MECOM: variants seen among roughly 807,000 people sequenced by gnomAD.
MECOM encodes the protein MDS1 and EVI1 complex locus.
Under a neutral mutation model 116.3 loss-of-function variants are expected in MECOM, and 13 were observed. The observed-to-expected ratio is 0.11, with a 90% CI of 0.07 to 0.18. MECOM has a LOEUF of 0.18. Among genes scored for constraint, MECOM ranks in the 10% least tolerant of loss-of-function variants. MECOM has a pLI of 1.00. For synonymous variants in MECOM, 528 were observed against 535.2 expected (o/e 0.99, Z 0.19); for missense variants, 1,299 against 1,509.0 (o/e 0.86, Z 2.31).
chr3:169,111,828 C>T (rs1416048496), intron 9 of MECOM, among the ~76,000 whole-genome samples: 3 of 151,868 alleles, frequency 2.0e-5, no homozygotes, highest in South Asian at 2.1e-4. Flanking sequence ...AAAAAAGAAC[C>T]ATATCCCATG....
intron 2 of MECOM, among the ~76,000 whole-genome samples, chr3:169,293,803 T>C (rs536033672): frequency 3.3e-5 from 5 of 152,220 alleles, no homozygotes; most frequent in Non-Finnish European, 7.3e-5. Context: ...TTATATTTAT[T>C]GAATCAATGA....
At chr3:169,208,480 A>G (rs747256821) in intron 2 of MECOM, among the ~76,000 whole-genome samples, 2 of 151,976 alleles carry the variant, frequency 1.3e-5, no homozygotes, top group Admixed American at 6.6e-5. Context: ...TAAAGGAAAG[A>G]CACAGTGGGA....
intron 1 of MECOM, among the ~76,000 whole-genome samples, chr3:169,568,047 C>T (rs553291283): frequency 2.1e-4 from 32 of 152,248 alleles, no homozygotes; most frequent in African/African-American, 7.2e-4. Flanking sequence ...ACTCGTTGGA[C>T]AGTGGGTGCA....
chr3:169,439,757 TC>T (rs1194705301), intron 1 of MECOM, among the ~76,000 whole-genome samples: 2 of 152,174 alleles, frequency 1.3e-5, no homozygotes, highest in African/African-American at 4.8e-5. Flanking sequence ...TTGAGGCTGT[TC>T]TTGTCCACAT....
intron 16 of MECOM, among the ~76,000 whole-genome samples, chr3:169,087,045 C>T (rs987314332): frequency 5.3e-5 from 8 of 152,102 alleles, no homozygotes; most frequent in Admixed American, 3.9e-4. Context: ...ATCTATATAA[C>T]ATGATCAAGT....
intron 2 of MECOM, among the ~76,000 whole-genome samples, chr3:169,310,493 A>G (rs1269717546): frequency 6.6e-6 from 1 of 152,242 alleles, no homozygotes; most frequent in African/African-American, 2.4e-5. Flanking sequence ...GGAAAGTCCC[A>G]TTAATTCTGG....
intron 2 of MECOM, among the ~76,000 whole-genome samples, chr3:169,172,917 C>T (rs1283310356): frequency 6.6e-6 from 1 of 152,088 alleles, no homozygotes; most frequent in Non-Finnish European, 1.5e-5. Context: ...TCAAATGACA[C>T]TGGAAATGAG....
intron 2 of MECOM, among the ~76,000 whole-genome samples, chr3:169,168,844 C>T (rs899585172): frequency 4.6e-4 from 69 of 151,352 alleles, no homozygotes; most frequent in African/African-American, 1.7e-3. Context: ...TAAAGAAAAA[C>T]TCAAAGAAAA....
At chr3:169,335,884 T>C (rs1346245336) in intron 2 of MECOM, among the ~76,000 whole-genome samples, 5 of 152,118 alleles carry the variant, frequency 3.3e-5, no homozygotes, top group African/African-American at 1.2e-4. Context: ...AAACTATGAT[T>C]TCATATTATC....
At chr3:169,359,539 A>T (rs181766132) in intron 2 of MECOM, among the ~76,000 whole-genome samples, 161 of 151,822 alleles carry the variant, frequency 1.1e-3, no homozygotes, top group African/African-American at 3.6e-3. Flanking sequence ...TATAATTTGA[A>T]TCCTAACAAC....
At chr3:169,452,131 A>G (rs895675479) in intron 1 of MECOM, among the ~76,000 whole-genome samples, 5 of 151,986 alleles carry the variant, frequency 3.3e-5, no homozygotes, top group African/African-American at 1.2e-4. Context: ...ACATCAATCA[A>G]TATTCTCAGA....
At chr3:169,644,394 T>A (rs982571111) in intron 1 of MECOM, among the ~76,000 whole-genome samples, 2 of 152,028 alleles carry the variant, frequency 1.3e-5, no homozygotes, top group Admixed American at 1.3e-4. Context: ...GTAGCTGGAA[T>A]TACAGGCACA....
At chr3:169,629,339 A>T (rs1458070315) in intron 1 of MECOM, among the ~76,000 whole-genome samples, 1 of 152,042 alleles carries the variant, frequency 6.6e-6, no homozygotes, top group African/African-American at 2.4e-5. Flanking sequence ...AAGTTTTATG[A>T]TGGACTTTTT....
At chr3:169,575,422 G>A (rs1270300199) in intron 1 of MECOM, among the ~76,000 whole-genome samples, 1 of 152,170 alleles carries the variant, frequency 6.6e-6, no homozygotes, top group East Asian at 1.9e-4. Context: ...TCCGAAGACT[G>A]GCAGAGAATG....
chr3:169,398,955 T>C (rs1288116750), intron 1 of MECOM, among the ~76,000 whole-genome samples: 1 of 152,180 alleles, frequency 6.6e-6, no homozygotes, highest in African/African-American at 2.4e-5. Context: ...TGTCATCTCA[T>C]CTGTTAAGGG....
chr3:169,610,984 T>G (rs1769192766), intron 1 of MECOM, among the ~76,000 whole-genome samples: 1 of 152,208 alleles, frequency 6.6e-6, no homozygotes, highest in African/African-American at 2.4e-5. Context: ...AGTTTACTGG[T>G]CTTAAGAGGA....
At chr3:169,126,620 C>T (rs1732961512) in intron 5 of MECOM, among the ~76,000 whole-genome samples, 1 of 152,072 alleles carries the variant, frequency 6.6e-6, no homozygotes, top group Non-Finnish European at 1.5e-5. Context: ...AAAATGTTTA[C>T]TCTCTAATAG....
At position 169,296,485 on chromosome 3, in the gene MECOM, T is replaced by C. The variant is rs143464786; in HGVS notation, c.375+84702A>G. 2.5e-4 allele frequency among the ~76,000 whole-genome samples: 38 copies of C among 152,290 alleles called. No homozygotes were observed. The East Asian group carries it at 6.6e-3, about 26-fold the overall frequency. ...TGTATTGTGGATTTGCCAGCAAGAT[T>C]ACATCCACACAAGTTCTTTGTAGAC... On this transcript the variant is annotated intron_variant, in intron 2 of 16. Transcript: ENST00000651503.
At chr3:169,373,722 A>T (rs1420921142) in intron 2 of MECOM, among the ~76,000 whole-genome samples, 1 of 151,962 alleles carries the variant, frequency 6.6e-6, no homozygotes, top group East Asian at 1.9e-4. Flanking sequence ...GGGACCATTC[A>T]ATTGGAGTAG....
Sources: gnomAD v4.1 joint callset for allele counts (sites outside exome capture counted in the v4.1 genomes callset) on GRCh38, gnomAD v4.1.1 for gene constraint, MANE v1.5 for transcripts, NCBI Gene and HGNC (gene_info 2026-07-23, HGNC 2026-07-21) for gene names.